IL1RAPL1: variants seen among roughly 807,000 people sequenced by gnomAD.
The protein encoded by IL1RAPL1 is interleukin 1 receptor accessory protein like 1.
A neutral mutation model predicts 48.4 loss-of-function variants in IL1RAPL1; 3 were observed. The ratio of observed to expected loss-of-function variants is 0.06; its 90% CI spans 0.03 to 0.16. IL1RAPL1 has a LOEUF of 0.16. Among genes scored for constraint, IL1RAPL1 ranks in the 10% least tolerant of loss-of-function variants. The probability of loss-of-function intolerance (pLI) is 1.00; values close to 1 mark genes in which losing one functional copy is unlikely to be tolerated. For synonymous variants in IL1RAPL1, 185 were observed against 187.7 expected (o/e 0.99, Z 0.12); for missense variants, 349 against 530.6 (o/e 0.66, Z 3.36).
chrX:28,796,638 C>T (rs1279841424), intron 2 of IL1RAPL1, among the ~76,000 whole-genome samples: 1 of 111,718 alleles, frequency 9.0e-6, no homozygotes, highest in Non-Finnish European at 1.9e-5. Flanking sequence ...TTCCCATGGT[C>T]TTGACAGCTC....
At chrX:29,055,716 GT>G (rs1927198280) in intron 2 of IL1RAPL1, among the ~76,000 whole-genome samples, 1 of 111,415 alleles carries the variant, frequency 9.0e-6, no homozygotes, top group Non-Finnish European at 1.9e-5. Flanking sequence ...TGTTCACATG[GT>G]TAAAATTAGA....
intron 5 of IL1RAPL1, among the ~76,000 whole-genome samples, chrX:29,453,235 T>C (rs970013780): frequency 9.1e-6 from 1 of 110,418 alleles, no homozygotes; most frequent in African/African-American, 3.3e-5. Flanking sequence ...GCAATCTATA[T>C]GCTGTAAGAA....
At chrX:29,211,622 A>G (rs1930770765) in intron 2 of IL1RAPL1, among the ~76,000 whole-genome samples, 1 of 111,203 alleles carries the variant, frequency 9.0e-6, no homozygotes, top group Non-Finnish European at 1.9e-5. Context: ...TAAAGTGGCC[A>G]AGGTAGTGGA....
At chrX:28,803,542 A>G (rs1013338448) in intron 2 of IL1RAPL1, among the ~76,000 whole-genome samples, 60 of 112,011 alleles carry the variant, frequency 5.4e-4, no homozygotes, top group Non-Finnish European at 2.3e-4. Context: ...AAAAATTTTC[A>G]AAGGGTCTTA....
intron 5 of IL1RAPL1, among the ~76,000 whole-genome samples, chrX:29,543,989 A>T (rs1001095321): frequency 8.9e-6 from 1 of 112,231 alleles, no homozygotes; most frequent in Non-Finnish European, 1.9e-5. Flanking sequence ...CTTTGTTCAC[A>T]TGTCTCATAT....
intron 2 of IL1RAPL1, among the ~76,000 whole-genome samples, chrX:28,821,884 T>G (rs920317144): frequency 1.8e-5 from 2 of 111,326 alleles, no homozygotes; most frequent in African/African-American, 3.3e-5. Context: ...GATGAATATG[T>G]TTATTATTTA....
chrX:29,689,984 C>T (rs5972682), intron 6 of IL1RAPL1, among the ~76,000 whole-genome samples: 55,564 of 110,033 alleles, frequency 0.5, 10,846 homozygotes, highest in African/African-American at 0.71. Flanking sequence ...AGAGAGCCAA[C>T]TGGGAAACTA....
chrX:28,595,155 A>C (rs1933941560), intron 1 of IL1RAPL1, among the ~76,000 whole-genome samples: 1 of 112,288 alleles, frequency 8.9e-6, no homozygotes, highest in African/African-American at 3.2e-5. Context: ...TACATAAACA[A>C]TAGTGAACCA....
chrX:29,915,077 C>T (rs961647010), intron 6 of IL1RAPL1, among the ~76,000 whole-genome samples: 12 of 110,420 alleles, frequency 1.1e-4, no homozygotes, highest in Non-Finnish European at 1.3e-4. Flanking sequence ...GGGCAGATCA[C>T]GAGGTCAGTA....
At chrX:29,815,590 G>A (rs145993246) in intron 6 of IL1RAPL1, among the ~76,000 whole-genome samples, 2,272 of 110,871 alleles carry the variant, frequency 0.02, 64 homozygotes, top group Admixed American at 0.12. Flanking sequence ...TTGCCTGATT[G>A]TTCTGGCTGA....
chrX:29,228,332 A>AGTGTGTGT (rs1555978439), intron 2 of IL1RAPL1, among the ~76,000 whole-genome samples: 54 of 79,562 alleles, frequency 6.8e-4, no homozygotes, highest in African/African-American at 9.4e-4. Flanking sequence ...AGTTTTGCCT[A>AGTGTGTGT]GTGTGTGTGT....
intron 1 of IL1RAPL1, among the ~76,000 whole-genome samples, chrX:28,627,353 T>G (rs1934350564): frequency 8.9e-6 from 1 of 111,848 alleles, no homozygotes. Flanking sequence ...CAAGTTTATG[T>G]GGTGGTTCTC....
intron 8 of IL1RAPL1, among the ~76,000 whole-genome samples, chrX:29,931,031 C>T (rs1240472888): frequency 9.0e-6 from 1 of 111,545 alleles, no homozygotes; most frequent in African/African-American, 3.3e-5. Flanking sequence ...ACTATGTGAG[C>T]CACAGACTTC....
intron 2 of IL1RAPL1, among the ~76,000 whole-genome samples, chrX:28,926,391 G>A (rs1216523514): frequency 3.6e-5 from 4 of 110,563 alleles, no homozygotes; most frequent in Non-Finnish European, 7.6e-5. Flanking sequence ...TACATTTTAG[G>A]TGTTGTATTT....
At chrX:29,387,992 GA>G (rs760298187) in intron 3 of IL1RAPL1, among the ~76,000 whole-genome samples, 253 of 80,076 alleles carry the variant, frequency 3.2e-3, no homozygotes, top group Non-Finnish European at 4.1e-3. Flanking sequence ...GACTCTGTCT[GA>G]AAAAAAAAAA....
intron 5 of IL1RAPL1, among the ~76,000 whole-genome samples, chrX:29,611,519 G>A (rs1924093120): frequency 8.9e-6 from 1 of 111,883 alleles, no homozygotes; most frequent in Non-Finnish European, 1.9e-5. Context: ...ATAAAGCCAA[G>A]CTGTACCCTG....
At chrX:29,602,903 G>A (rs192495624) in intron 5 of IL1RAPL1, among the ~76,000 whole-genome samples, 25 of 91,968 alleles carry the variant, frequency 2.7e-4, no homozygotes, top group African/African-American at 1.2e-3. Flanking sequence ...ATCATCATTT[G>A]TGAATGAATG....
chrX:28,815,772 C>G (rs1307337715), intron 2 of IL1RAPL1, among the ~76,000 whole-genome samples: 1 of 90,963 alleles, frequency 1.1e-5, no homozygotes, highest in East Asian at 3.7e-4. Flanking sequence ...CATGTTGTTG[C>G]AAGTGACAAG....
At chrX:29,904,349 TTGC>T (rs984511838) in intron 6 of IL1RAPL1, among the ~76,000 whole-genome samples, 11 of 104,964 alleles carry the variant, frequency 1.0e-4, no homozygotes, top group Non-Finnish European at 2.2e-4. Flanking sequence ...AAAAATTTTA[TTGC>T]TGATTCTTTT....
Sources: allele counts gnomAD v4.1 joint callset (sites outside exome capture counted in the v4.1 genomes callset), GRCh38; gene constraint gnomAD v4.1.1; transcripts MANE v1.5; gene names NCBI Gene and HGNC (gene_info 2026-07-23, HGNC 2026-07-21).